The following UST variants were observed in gnomAD, a reference collection of about 807,000 sequenced individuals.
The protein encoded by UST is uronyl 2-sulfotransferase, also known as chondroitin sulfate 2-O-sulfotransferase.
Under a neutral mutation model 45.6 loss-of-function variants are expected in UST, and 21 were observed. The ratio of observed to expected loss-of-function variants is 0.46; its 90% confidence interval spans 0.33 to 0.66. UST has a LOEUF of 0.66. Ranked by LOEUF, UST falls within the 30% of genes least tolerant of loss-of-function variation. The pLI is 0.02. For synonymous variants in UST, 215 were observed against 200.6 expected (o/e 1.07, Z -0.61); for missense variants, 463 against 512.4 (o/e 0.90, Z 0.93).
At chr6:149,055,513 T>A (rs1172204179) in intron 7 of UST, among the ~76,000 whole-genome samples, 1 of 152,062 alleles carries the variant, frequency 6.6e-6, no homozygotes, top group Non-Finnish European at 1.5e-5. Flanking sequence ...ATGCTTTGAA[T>A]GTCATTCAAG....
Position 149,049,931 on chromosome 6 carries a change from T to TCTCACACACA in UST, c.938-23901_938-23900insTCACACACAC, listed in dbSNP as rs1475301439. Among the ~76,000 whole-genome samples the TCTCACACACA allele has an allele frequency of 9.8e-3, 1,313 of 134,484 alleles. 16 individuals carry two copies. Among genetic ancestry groups the TCTCACACACA allele is most frequent in the African/African-American group, 0.036 (1,258 of 34,698 alleles). 88.2% of individuals were successfully genotyped at this position (134,484 alleles called of 152,430 possible). ...TTGTCTCTCTCTCTCTCTCTCTCTCTCACACACACACACACACACACACAC... is the reference window on the plus strand; with the variant it reads ...TTGTCTCTCTCTCTCTCTCTCTCTCTCTCACACACACACACACACACACACACACACACAC... On this transcript the variant is annotated intron_variant, in intron 7 of 7. Coordinates refer to ENST00000367463, the MANE Select transcript of UST (RefSeq NM_005715.3).
At chr6:149,059,955 G>A (rs76289534) in intron 7 of UST, among the ~76,000 whole-genome samples, 2,386 of 152,184 alleles carry the variant, frequency 0.016, 66 homozygotes, top group African/African-American at 0.054. Context: ...CCCTGGTCTT[G>A]GTGGGCCCTC....
intron 5 of UST, among the ~76,000 whole-genome samples, chr6:149,006,743 C>T (rs1775703781): frequency 6.6e-6 from 1 of 152,194 alleles, no homozygotes; most frequent in Admixed American, 6.5e-5. Context: ...TTCTCCACAG[C>T]CTCGCCAGCA....
chr6:148,894,838 A>C (rs1234298014), intron 2 of UST, among the ~76,000 whole-genome samples: 1 of 30,042 alleles, frequency 3.3e-5, no homozygotes, highest in African/African-American at 3.3e-4. Context: ...TTTTTTTTTG[A>C]GATGGAGTCT....
intron 5 of UST, among the ~76,000 whole-genome samples, chr6:148,969,553 A>T (rs1260244995): frequency 6.6e-6 from 1 of 152,176 alleles, no homozygotes; most frequent in African/African-American, 2.4e-5. Context: ...GAGTCTATTG[A>T]GCATTCTACA....
intron 1 of UST, among the ~76,000 whole-genome samples, chr6:148,869,908 G>A (rs776725349): frequency 4.6e-5 from 7 of 152,130 alleles, no homozygotes; most frequent in Non-Finnish European, 1.0e-4. Context: ...TCAAACAGGA[G>A]GCAGAGCTGG....
chr6:148,906,365 A>G (rs188999144), intron 2 of UST, among the ~76,000 whole-genome samples: 2 of 152,316 alleles, frequency 1.3e-5, no homozygotes, highest in East Asian at 1.9e-4. Context: ...AGGTTCTTTG[A>G]TTTAGAATAT....
chr6:149,036,247 C>T (rs1488371003), intron 7 of UST, among the ~76,000 whole-genome samples: 1 of 152,202 alleles, frequency 6.6e-6, no homozygotes, highest in Non-Finnish European at 1.5e-5. Context: ...GCTCTCCCGT[C>T]GGGGACACCC....
intron 5 of UST, among the ~76,000 whole-genome samples, chr6:148,985,808 A>C (rs907555206): frequency 6.6e-6 from 1 of 152,212 alleles, no homozygotes; most frequent in Non-Finnish European, 1.5e-5. Context: ...TCTTCTCTTA[A>C]AAAACAAATA....
In UST at chr6:148,857,811, G is replaced by A. The variant is rs533384179; in HGVS notation, c.248-29175G>A. 4.0e-5 allele frequency among the ~76,000 whole-genome samples: 6 copies of A among 150,382 alleles called. No individual in the cohort carries two copies. In the South Asian group the frequency reaches 1.1e-3, roughly 27 times the overall value. Reference sequence around the variant, plus strand: ...AGATGTTTGAGGAGGAAGAAGCATAGCAAGTGCTTCTCCACCTCTGTTTAT... The same window carrying A: ...AGATGTTTGAGGAGGAAGAAGCATAACAAGTGCTTCTCCACCTCTGTTTAT... On this transcript the variant is annotated intron_variant, in intron 1 of 7. Transcript: ENST00000367463.
intron 5 of UST, among the ~76,000 whole-genome samples, chr6:149,000,269 C>T (rs1781523030): frequency 6.6e-6 from 1 of 152,180 alleles, no homozygotes; most frequent in Non-Finnish European, 1.5e-5. Flanking sequence ...AAAAACAAAA[C>T]CACAAACTCA....
chr6:148,988,060 T>A (rs1357984197), intron 5 of UST, among the ~76,000 whole-genome samples: 1 of 151,928 alleles, frequency 6.6e-6, no homozygotes, highest in East Asian at 1.9e-4. Flanking sequence ...CTGTGAGGCT[T>A]CCTGGAGGAG....
intron 1 of UST, among the ~76,000 whole-genome samples, chr6:148,781,220 A>G (rs1269143500): frequency 6.6e-6 from 1 of 152,242 alleles, no homozygotes; most frequent in African/African-American, 2.4e-5. Flanking sequence ...AAGTTTTGAA[A>G]GCAAAAGAAA....
chr6:148,908,048 A>G (rs1779400389), intron 2 of UST, among the ~76,000 whole-genome samples: 1 of 151,784 alleles, frequency 6.6e-6, no homozygotes, highest in African/African-American at 2.4e-5. Flanking sequence ...AGCTGGGATT[A>G]CAGGTGCCTG....
intron 7 of UST, among the ~76,000 whole-genome samples, chr6:149,064,765 A>T (rs1776708428): frequency 1.3e-5 from 2 of 152,190 alleles, no homozygotes; most frequent in Non-Finnish European, 2.9e-5. Flanking sequence ...CAAACTGGAA[A>T]GCCCTGGCCT....
At position 148,799,985 on chromosome 6, in the gene UST, C is replaced by T. The variant is rs368350221; in HGVS notation, c.247+52308C>T. Among the ~76,000 whole-genome samples the T allele has an allele frequency of 3.7e-4, 57 of 152,208 alleles. No homozygotes were observed. The East Asian group carries it at 9.6e-3, about 26-fold the overall frequency. ...CAATGCTATTAAATTTGTCAGGTAC[C>T]ATTATAAAAATAGTTGACATTAAAA... On this transcript the variant is annotated intron_variant, in intron 1 of 7. Coordinates refer to ENST00000367463, the MANE Select transcript of UST (RefSeq NM_005715.3).
At chr6:149,063,029 T>C (rs966673041) in intron 7 of UST, among the ~76,000 whole-genome samples, 9 of 152,200 alleles carry the variant, frequency 5.9e-5, no homozygotes, top group Admixed American at 5.2e-4. Flanking sequence ...TCTACCAACA[T>C]TGGGTGGCCA....
intron 1 of UST, among the ~76,000 whole-genome samples, chr6:148,819,685 T>A (rs1433028128): frequency 6.6e-6 from 1 of 152,252 alleles, no homozygotes; most frequent in Non-Finnish European, 1.5e-5. Context: ...AAGCATTATT[T>A]TGTGTATGTA....
At chr6:148,853,382 T>A (rs1454423103) in intron 1 of UST, among the ~76,000 whole-genome samples, 1 of 152,236 alleles carries the variant, frequency 6.6e-6, no homozygotes, top group Non-Finnish European at 1.5e-5. Flanking sequence ...TTGGGTTGAT[T>A]CCATGTCTTT....
Sources: allele counts gnomAD v4.1 joint callset (sites outside exome capture counted in the v4.1 genomes callset), GRCh38; gene constraint gnomAD v4.1.1; transcripts MANE v1.5; gene names NCBI Gene and HGNC (gene_info 2026-07-23, HGNC 2026-07-21).